The following BCAS3 variants were observed in gnomAD, a reference collection of about 807,000 sequenced individuals.
BCAS3 encodes BCAS3 microtubule associated cell migration factor.
A neutral mutation model predicts 116.1 loss-of-function variants in BCAS3; 53 were observed. That is an observed-to-expected ratio of 0.46 (90% CI 0.37 to 0.57). BCAS3 has a LOEUF of 0.57. BCAS3 is among the 20% of genes least tolerant of loss of function. BCAS3 has a pLI of 0.00. For synonymous variants in BCAS3, 391 were observed against 408.2 expected (o/e 0.96, Z 0.51); for missense variants, 917 against 1,165.4 (o/e 0.79, Z 3.10).
In BCAS3 at chr17:61,084,826, T is replaced by C. The variant is rs2072946942; in HGVS notation, c.2425+262T>C. On this transcript the variant is annotated intron_variant, in intron 22 of 23. Coordinates refer to ENST00000407086, the MANE Select transcript of BCAS3 (RefSeq NM_017679.5). This position sits in a 1 kb window ranked among gnomAD's most constrained non-coding sequence, Gnocchi z 5.5. ...AACATAGTATTGAAGGCTACAGGGT[T>C]GATGACTGTTTTGCCTTTGATCACT... Among the ~76,000 whole-genome samples, 1 of 152,218 alleles carries C rather than the reference T, an allele frequency of 6.6e-6. No individual in the cohort carries two copies. Among genetic ancestry groups the C allele is most frequent in the East Asian group, 1.9e-4 (1 of 5,196 alleles).
At position 61,131,159 on chromosome 17, in the gene BCAS3, G is replaced by C. The variant is rs1231983391; in HGVS notation, c.2425+46595G>C. 6.6e-6 allele frequency among the ~76,000 whole-genome samples: 1 copy of C among 152,050 alleles called. No individual in the cohort carries two copies. The highest frequency in any genetic ancestry group is 1.5e-5 in the Non-Finnish European group (1 of 68,010). On this transcript the variant is annotated intron_variant, in intron 22 of 23. Coordinates refer to ENST00000407086, the MANE Select transcript of BCAS3 (RefSeq NM_017679.5). The surrounding 1 kb of genome is among the most constrained non-coding windows in gnomAD (Gnocchi z 4.4). The stretch of plus-strand genomic sequence containing the variant: ...AACAAGTCTATTTAACTTTTTCTTA[G>C]GTTATTTCTAAGAGAGTTTCAAAAT...
In BCAS3 at chr17:61,340,800, G is replaced by A. The variant is rs188715723; in HGVS notation, c.2426-27527G>A. Among the ~76,000 whole-genome samples the A allele has an allele frequency of 1.7e-3, 257 of 152,302 alleles. 2 individuals carry two copies. Among genetic ancestry groups the A allele is most frequent in the African/African-American group, 5.8e-3 (242 of 41,546 alleles). On this transcript the variant is annotated intron_variant, in intron 22 of 23. Transcript: ENST00000407086. Reference sequence around the variant, plus strand: ...GTTGGGGGATAGTGAAAAGCAGGCGGGATCAATGTATTATACACCCTGGTG... The same window carrying A: ...GTTGGGGGATAGTGAAAAGCAGGCGAGATCAATGTATTATACACCCTGGTG...
At chr17:61,360,126 C>G (rs754763200) in intron 22 of BCAS3, among the ~76,000 whole-genome samples, 1 of 151,918 alleles carries the variant, frequency 6.6e-6, no homozygotes, top group African/African-American at 2.4e-5. Context: ...CTGTCAGCCT[C>G]CCAAGTAGCT....
At chr17:60,802,387 T>C (rs774551236) in intron 6 of BCAS3, among the ~76,000 whole-genome samples, 2 of 149,898 alleles carry the variant, frequency 1.3e-5, no homozygotes, top group Admixed American at 6.7e-5. Flanking sequence ...TATATATATA[T>C]ATCCCCTTGT....
chr17:61,055,228 G>A (rs1028435588), intron 19 of BCAS3, among the ~76,000 whole-genome samples: 32 of 152,168 alleles, frequency 2.1e-4, no homozygotes, highest in African/African-American at 6.8e-4. Flanking sequence ...CCATCACTAC[G>A]GTTAATTGCT....
rs918014531 is a variant in BCAS3, at chr17:61,141,903, A to G, written c.2425+57339A>G. On this transcript the variant is annotated intron_variant, in intron 22 of 23. Coordinates refer to ENST00000407086, the MANE Select transcript of BCAS3 (RefSeq NM_017679.5). The surrounding 1 kb of genome is among the most constrained non-coding windows in gnomAD (Gnocchi z 4.3). ...TGACAGAGCGAGACCCCACCTCAAG[A>G]AAAAAAAAAAAAAAAAAGTTAGACA... Among the ~76,000 whole-genome samples the G allele has an allele frequency of 4.3e-4, 4 of 9,304 alleles. No homozygotes were observed. The highest frequency in any genetic ancestry group is 5.2e-3 in the Non-Finnish European group (1 of 194). 6.1% of individuals were successfully genotyped at this position (9,304 alleles called of 152,430 possible).
intron 22 of BCAS3, among the ~76,000 whole-genome samples, chr17:61,190,770 A>G (rs1353299596): frequency 1.3e-5 from 2 of 151,824 alleles, no homozygotes; most frequent in Non-Finnish European, 2.9e-5. Context: ...CACCTGGCTA[A>G]TTTTGTATTT....
chr17:60,966,289 G>A (rs571783876), intron 14 of BCAS3, among the ~76,000 whole-genome samples: 5 of 152,250 alleles, frequency 3.3e-5, no homozygotes, highest in Admixed American at 6.5e-5. Context: ...CAGCCACTCC[G>A]TGCCTTTTAG....
intron 2 of BCAS3, among the ~76,000 whole-genome samples, chr17:60,681,496 A>G (rs1440006602): frequency 6.6e-6 from 1 of 151,530 alleles, no homozygotes; most frequent in Non-Finnish European, 1.5e-5. Context: ...GCAAGACTTC[A>G]TTTCCAAAAA....
intron 19 of BCAS3, 42 bp downstream of exon 19, chr17:61,040,934 T>G: frequency 6.7e-7 from 1 of 1,491,616 alleles, no homozygotes; most frequent in Middle Eastern, 1.7e-4. Flanking sequence ...TATGGTCTAT[T>G]CAGATTTCAT....
At chr17:60,861,734 C>T (rs2054176399) in intron 7 of BCAS3, among the ~76,000 whole-genome samples, 1 of 152,080 alleles carries the variant, frequency 6.6e-6, no homozygotes, top group African/African-American at 2.4e-5. Flanking sequence ...TTCTGCATCC[C>T]TTGAGATGAT....
At chr17:61,043,590 C>G (rs1482996990) in intron 19 of BCAS3, among the ~76,000 whole-genome samples, 1 of 151,906 alleles carries the variant, frequency 6.6e-6, no homozygotes, top group Non-Finnish European at 1.5e-5. Flanking sequence ...CAGGTTTTCT[C>G]CCTGATACCA....
rs1029069274 is a variant in BCAS3 at position 61,260,735 on chromosome 17, C to A, written c.2426-107592C>A. Among the ~76,000 whole-genome samples the A allele has an allele frequency of 3.9e-5, 6 of 152,230 alleles. No individual in the cohort carries two copies. In the South Asian group the frequency reaches 1.2e-3, roughly 32 times the overall value. On this transcript the variant is annotated intron_variant, in intron 22 of 23. Coordinates refer to ENST00000407086, the MANE Select transcript of BCAS3 (RefSeq NM_017679.5). ...TTGAGAGACACTTTGTACCGACTAA[C>A]ATAGTTTAGTAAACCGATGAGTGTC...
chr17:60,893,904 C>T (rs779538753), intron 10 of BCAS3, among the ~76,000 whole-genome samples: 29 of 151,990 alleles, frequency 1.9e-4, no homozygotes, highest in Non-Finnish European at 3.2e-4. Flanking sequence ...CCACCATGCC[C>T]AGCCTATGTG....
chr17:60,968,080 G>T (rs1201989682), intron 14 of BCAS3, among the ~76,000 whole-genome samples: 1 of 151,990 alleles, frequency 6.6e-6, no homozygotes, highest in Non-Finnish European at 1.5e-5. Flanking sequence ...GTTTTGCTTT[G>T]TCCATTGGAG....
rs1568570499 is a variant in BCAS3 at position 61,204,607 on chromosome 17, T to C, written c.2425+120043T>C. 6.6e-6 allele frequency among the ~76,000 whole-genome samples: 1 copy of C among 152,192 alleles called. No individual in the cohort carries two copies. Among genetic ancestry groups the C allele is most frequent in the African/African-American group, 2.4e-5 (1 of 41,440 alleles). ...GCCCCTTTATTAAATATTTCTAGAATATAATTGCCTCTGAAAACACAGTAC... is the reference window on the plus strand; with the variant it reads ...GCCCCTTTATTAAATATTTCTAGAACATAATTGCCTCTGAAAACACAGTAC... On this transcript the variant is annotated intron_variant, in intron 22 of 23. Transcript: ENST00000407086. This position sits in a 1 kb window ranked among gnomAD's most constrained non-coding sequence, Gnocchi z 4.2.
intron 7 of BCAS3, among the ~76,000 whole-genome samples, chr17:60,824,322 A>G (rs2050200994): frequency 6.6e-6 from 1 of 152,162 alleles, no homozygotes; most frequent in South Asian, 2.1e-4. Context: ...TTTTATGATG[A>G]TGATTTTCTG....
chr17:61,223,218 C>T (rs1010520961), intron 22 of BCAS3, among the ~76,000 whole-genome samples: 7 of 116,786 alleles, frequency 6.0e-5, no homozygotes, highest in East Asian at 3.0e-4. Context: ...AGTGCAGTGG[C>T]GCAGCTTTGG....
chr17:61,046,486 T>G (rs1296852307), intron 19 of BCAS3, among the ~76,000 whole-genome samples: 1 of 151,746 alleles, frequency 6.6e-6, no homozygotes, highest in Non-Finnish European at 1.5e-5. Flanking sequence ...TGGTACTATA[T>G]TTGCATATGA....
Sources: gnomAD v4.1 joint callset for allele counts (sites outside exome capture counted in the v4.1 genomes callset) on GRCh38, gnomAD v4.1.1 for gene constraint, Gnocchi (gnomAD v3.1) non-coding constraint, MANE v1.5 for transcripts, NCBI Gene and HGNC (gene_info 2026-07-23, HGNC 2026-07-21) for gene names.